ROBO2: variants seen among roughly 807,000 people sequenced by gnomAD.
ROBO2 encodes roundabout homolog 2.
ROBO2 carries 53 observed loss-of-function variants against 160.8 expected under a neutral mutation model. The observed-to-expected ratio is 0.33, with a 90% CI of 0.26 to 0.41. The LOEUF is 0.41. Ranked by LOEUF, ROBO2 falls within the 10% of genes least tolerant of loss-of-function variation. ROBO2 has a pLI of 1.00. For missense variants in ROBO2, 1,577 were observed against 1,722.4 expected (o/e 0.92, Z 1.49); for synonymous variants, 664 against 611.7 (o/e 1.09, Z -1.26).
chr3:76,004,484 T>A (rs2065968277), intron 2 of ROBO2, among the ~76,000 whole-genome samples: 1 of 152,146 alleles, frequency 6.6e-6, no homozygotes, highest in Non-Finnish European at 1.5e-5. Context: ...CAAAATTTAT[T>A]TTTCACAGTT....
At chr3:75,996,179 A>G (rs113626520) in intron 2 of ROBO2, among the ~76,000 whole-genome samples, 271 of 152,278 alleles carry the variant, frequency 1.8e-3, no homozygotes, top group African/African-American at 6.4e-3. Flanking sequence ...GGGCAGAATG[A>G]TATGGTTTGT....
At chr3:76,304,778 CT>C (rs1222432931) in intron 2 of ROBO2, among the ~76,000 whole-genome samples, 1 of 139,856 alleles carries the variant, frequency 7.2e-6, no homozygotes, top group Admixed American at 7.2e-5. Context: ...TTCTTTCTTT[CT>C]TTCTTTCTTT....
intron 19 of ROBO2, among the ~76,000 whole-genome samples, chr3:77,600,031 A>G (rs1266343894): frequency 6.6e-6 from 1 of 152,212 alleles, no homozygotes; most frequent in Non-Finnish European, 1.5e-5. Context: ...AAGTAGAGGA[A>G]GCATTTCCAT....
chr3:76,253,033 T>A (rs773989712), intron 2 of ROBO2, among the ~76,000 whole-genome samples: 8 of 152,032 alleles, frequency 5.3e-5, no homozygotes, highest in Non-Finnish European at 1.0e-4. Context: ...GTCAGCTGAT[T>A]TTAGAGTTAG....
intron 2 of ROBO2, among the ~76,000 whole-genome samples, chr3:75,969,724 T>C (rs911706779): frequency 2.6e-5 from 4 of 151,638 alleles, no homozygotes; most frequent in East Asian, 2.0e-4. Context: ...TCAGATACTT[T>C]GGCCATTTAT....
chr3:76,624,187 CAT>C (rs1278959207), intron 2 of ROBO2, among the ~76,000 whole-genome samples: 7 of 152,152 alleles, frequency 4.6e-5, no homozygotes, highest in Admixed American at 1.3e-4. Context: ...TTTTATTTCA[CAT>C]GTCATAAATT....
At chr3:77,051,718 G>C (rs1416339975) in intron 1 of ROBO2, among the ~76,000 whole-genome samples, 2 of 152,130 alleles carry the variant, frequency 1.3e-5, no homozygotes, top group African/African-American at 4.8e-5. Context: ...TTCCAAACAT[G>C]GATCTCTATA....
At chr3:76,843,111 T>C (rs2068448869) in intron 2 of ROBO2, among the ~76,000 whole-genome samples, 1 of 151,880 alleles carries the variant, frequency 6.6e-6, no homozygotes. Flanking sequence ...AAGTACCTTA[T>C]AATTGTGTTT....
chr3:77,625,633 C>G (rs760141832), intron 23 of ROBO2, among the ~76,000 whole-genome samples: 1 of 152,142 alleles, frequency 6.6e-6, no homozygotes, highest in African/African-American at 2.4e-5. Context: ...GCCTCGGCCT[C>G]CCAAAGTGCT....
chr3:76,219,256 T>C (rs961244252), intron 2 of ROBO2, among the ~76,000 whole-genome samples: 1 of 152,162 alleles, frequency 6.6e-6, no homozygotes, highest in African/African-American at 2.4e-5. Flanking sequence ...ATTCAGGACA[T>C]AGGCATGGGC....
At chr3:76,504,540 T>C (rs1264608780) in intron 2 of ROBO2, among the ~76,000 whole-genome samples, 1 of 141,980 alleles carries the variant, frequency 7.0e-6, no homozygotes, top group African/African-American at 2.7e-5. Flanking sequence ...TTTTTTTTTT[T>C]TTTTTTTGAG....
At chr3:76,173,771 C>G (rs1241120528) in intron 2 of ROBO2, among the ~76,000 whole-genome samples, 1 of 152,068 alleles carries the variant, frequency 6.6e-6, no homozygotes, top group Non-Finnish European at 1.5e-5. Context: ...CATTGATGGG[C>G]ATTTGGGTTG....
At chr3:77,640,185 C>T (rs961553233) in intron 24 of ROBO2, among the ~76,000 whole-genome samples, 3 of 142,642 alleles carry the variant, frequency 2.1e-5, no homozygotes, top group African/African-American at 8.0e-5. Context: ...GATCTCGGCT[C>T]ACTGCAAGAT....
At chr3:77,058,992 GT>G (rs2066024490) in intron 1 of ROBO2, among the ~76,000 whole-genome samples, 1 of 152,186 alleles carries the variant, frequency 6.6e-6, no homozygotes, top group Admixed American at 6.5e-5. Flanking sequence ...AGTGTGGTGA[GT>G]TTTTACTTTG....
At chr3:77,389,407 C>T (rs553333294) in intron 2 of ROBO2, among the ~76,000 whole-genome samples, 50 of 152,178 alleles carry the variant, frequency 3.3e-4, no homozygotes, top group African/African-American at 1.2e-3. Context: ...TAGCCCCATG[C>T]GGGCTTGTGG....
chr3:76,918,276 T>G (rs537419859), intron 2 of ROBO2, among the ~76,000 whole-genome samples: 6 of 152,244 alleles, frequency 3.9e-5, no homozygotes. Context: ...TCTCGTGAGA[T>G]CTGATGGTTT....
At chr3:77,098,618 C>G (rs191755164) in intron 2 of ROBO2, among the ~76,000 whole-genome samples, 2 of 151,828 alleles carry the variant, frequency 1.3e-5, no homozygotes, top group East Asian at 3.9e-4. Flanking sequence ...GAGGCGGAGG[C>G]GGGCGGATCA....
chr3:76,574,102 C>T (rs988449980), intron 2 of ROBO2, among the ~76,000 whole-genome samples: 5 of 151,940 alleles, frequency 3.3e-5, no homozygotes, highest in Non-Finnish European at 4.4e-5. Context: ...CATTATTTTC[C>T]GTCCTGTGCT....
intron 2 of ROBO2, among the ~76,000 whole-genome samples, chr3:76,738,051 T>C (rs1576335511): frequency 6.6e-6 from 1 of 152,084 alleles, no homozygotes; most frequent in East Asian, 1.9e-4. Flanking sequence ...GGAGGATCAC[T>C]TCAGCCCAGG....
Sources: allele counts gnomAD v4.1 joint callset (sites outside exome capture counted in the v4.1 genomes callset), GRCh38; gene constraint gnomAD v4.1.1; transcripts MANE v1.5; gene names NCBI Gene and HGNC (gene_info 2026-07-23, HGNC 2026-07-21).